Variants in NFIA observed in about 807,000 individuals in gnomAD.
NFIA encodes nuclear factor 1 A-type.
In NFIA, 8 loss-of-function variants were observed where a neutral mutation model predicts 62.8. The observed-to-expected ratio is 0.13, with a 90% CI of 0.07 to 0.23. The LOEUF (loss-of-function observed/expected upper bound fraction) is 0.23, where lower values mean the gene tolerates loss of function less well. NFIA is among the 10% of genes least tolerant of loss of function. The pLI, the probability that NFIA is intolerant of heterozygous loss-of-function variation, is 1.00. For synonymous variants in NFIA, 235 were observed against 238.1 expected, an observed-to-expected ratio of 0.99 and a Z score of 0.12; for missense variants, 410 against 642.1, an observed-to-expected ratio of 0.64 and a Z score of 3.91.
chr1:61,139,733 A>G (rs1008156000), intron 2 of NFIA, among the ~76,000 whole-genome samples: 2 of 152,108 alleles, frequency 1.3e-5, no homozygotes, highest in African/African-American at 2.4e-5. Flanking sequence ...TTACACCCCG[A>G]CAGATGTATT....
chr1:61,349,592 G>A (rs1211037171), intron 4 of NFIA, among the ~76,000 whole-genome samples: 1 of 151,566 alleles, frequency 6.6e-6, no homozygotes. Context: ...ATTTTTATTC[G>A]AGATGGGTTC....
intron 2 of NFIA, among the ~76,000 whole-genome samples, chr1:61,199,512 G>T (rs1427544247): frequency 1.3e-5 from 2 of 152,000 alleles, no homozygotes; most frequent in South Asian, 2.1e-4. Context: ...ACCGTATCTC[G>T]TGAGTAGTAG....
rs200381102 is a variant in NFIA, at chr1:61,138,569, A to G, written c.559+49889A>G. Among the ~76,000 whole-genome samples, 196 of 46,440 alleles carry G rather than the reference A, an allele frequency of 4.2e-3. 1 individual carries two copies. The South Asian group carries it at 0.048, about 11-fold the overall frequency. 30.5% of individuals were successfully genotyped at this position (46,440 alleles called of 152,430 possible). A position where few individuals can be genotyped will look rare whatever the true frequency, so the allele number is the denominator to read the frequency against. ...AGTCATTTTATTTGTTTGTTTGTTT[A>G]TTTATTTATTTATTTATTTATTTAT... On this transcript the variant is annotated intron_variant, in intron 2 of 10. Transcript: ENST00000403491.
rs1663477772 is a variant in NFIA at position 61,364,480 on chromosome 1, GT to G, written c.946+5209del. ...TATCAAGAATACTCTCAGAATTGGT[GT>G]TTACTACACTTTCAATTTGTAGGCT... is the stretch of plus-strand genomic sequence containing the variant. On this transcript the variant is annotated intron_variant, in intron 6 of 10. Transcript: ENST00000403491. 2.0e-5 allele frequency among the ~76,000 whole-genome samples: 3 copies of G among 152,230 alleles called. No individual in the cohort carries two copies. In the East Asian group the frequency reaches 5.8e-4, roughly 29 times the overall value.
At chr1:61,285,819 T>C (rs940663723) in intron 3 of NFIA, among the ~76,000 whole-genome samples, 5 of 152,092 alleles carry the variant, frequency 3.3e-5, no homozygotes, top group African/African-American at 9.7e-5. Flanking sequence ...AAAAGAGAAA[T>C]GTAAGGATAT....
chr1:61,352,350 A>T, intron 4 of NFIA, 100 bp from the exon 5 acceptor site: 1 of 793,516 alleles, frequency 1.3e-6, no homozygotes, highest in Non-Finnish European at 2.1e-6. Flanking sequence ...TTACATATAA[A>T]TGCAAAAAGA....
intron 10 of NFIA, among the ~76,000 whole-genome samples, chr1:61,453,499 T>C (rs1161461318): frequency 7.4e-6 from 1 of 135,452 alleles, no homozygotes; most frequent in Non-Finnish European, 1.5e-5. Flanking sequence ...GCAGAGGCAC[T>C]GCAGATTTTT....
chr1:61,425,383 A>G (rs1165696724), intron 9 of NFIA, among the ~76,000 whole-genome samples: 2 of 152,208 alleles, frequency 1.3e-5, no homozygotes, highest in African/African-American at 2.4e-5. Flanking sequence ...GTGTTTTAAA[A>G]AGTTGCATAT....
chr1:61,264,535 C>T (rs562125426), intron 2 of NFIA, among the ~76,000 whole-genome samples: 1 of 151,418 alleles, frequency 6.6e-6, no homozygotes, highest in East Asian at 1.9e-4. Flanking sequence ...CCTGTAATCC[C>T]AGCTACTCAG....
At chr1:61,265,606 TATTGTC>T (rs1404953654) in intron 2 of NFIA, among the ~76,000 whole-genome samples, 1 of 152,200 alleles carries the variant, frequency 6.6e-6, no homozygotes, top group Non-Finnish European at 1.5e-5. Flanking sequence ...ACAGAAAAGT[TATTGTC>T]AATGTGGAAA....
chr1:61,163,795 T>C (rs1479707781), intron 2 of NFIA, among the ~76,000 whole-genome samples: 2 of 152,168 alleles, frequency 1.3e-5, no homozygotes, highest in Non-Finnish European at 2.9e-5. Context: ...GCTGGGGTCT[T>C]AAAATGCTTG....
At position 61,286,411 on chromosome 1, in the gene NFIA, G is replaced by A. The variant is rs568638264; in HGVS notation, c.625+8826G>A. Among the ~76,000 whole-genome samples the A allele has an allele frequency of 1.3e-4, 19 of 142,888 alleles. No homozygotes were observed. In the East Asian group the frequency reaches 1.4e-3, roughly 11 times the overall value. 93.7% of individuals were successfully genotyped at this position (142,888 alleles called of 152,430 possible). A position where few individuals can be genotyped will look rare whatever the true frequency, so the allele number is the denominator to read the frequency against. ...CCACTGCACTCCAGCCTGGGTGACCGAGCGAGACTCTGTCTCAAAAAAAAA... is the reference window on the plus strand; with the variant it reads ...CCACTGCACTCCAGCCTGGGTGACCAAGCGAGACTCTGTCTCAAAAAAAAA... On this transcript the variant is annotated intron_variant, in intron 3 of 10. Coordinates refer to ENST00000403491, the MANE Select transcript of NFIA (RefSeq NM_001134673.4).
At chr1:61,248,984 A>G (rs1387630445) in intron 2 of NFIA, 1 of 152,244 alleles carries the variant, frequency 6.6e-6, no homozygotes, top group Non-Finnish European at 1.5e-5. Flanking sequence ...ACTCTTAAGT[A>G]TGCAACCAAT....
chr1:61,193,811 T>C (rs1651811661), intron 2 of NFIA, among the ~76,000 whole-genome samples: 1 of 152,238 alleles, frequency 6.6e-6, no homozygotes, highest in Admixed American at 6.5e-5. Flanking sequence ...ATGTCCTTAG[T>C]GCCTTTCCTG....
rs547374871 is a variant in NFIA, at chr1:61,363,434, A to G, written c.946+4160A>G. Among the ~76,000 whole-genome samples the G allele has an allele frequency of 5.6e-4, 85 of 152,166 alleles. 1 individual carries two copies. Among genetic ancestry groups the G allele is most frequent in the African/African-American group, 1.3e-3 (53 of 41,542 alleles). The stretch of plus-strand genomic sequence containing the variant: ...AGCCTGACCAACATGGAGAAACCCC[A>G]TCTCTACTAAAAATACAAAATTAGC... On this transcript the variant is annotated intron_variant, in intron 6 of 10. Transcript: ENST00000403491.
chr1:61,357,787 G>A (rs1458031588), intron 5 of NFIA, among the ~76,000 whole-genome samples: 1 of 152,036 alleles, frequency 6.6e-6, no homozygotes, highest in Non-Finnish European at 1.5e-5. Flanking sequence ...TGAAACATAC[G>A]AAAACTTCTG....
At chr1:61,240,232 G>T (rs79731440) in intron 2 of NFIA, among the ~76,000 whole-genome samples, 6,845 of 152,106 alleles carry the variant, frequency 0.045, 218 homozygotes, top group Non-Finnish European at 0.064. Flanking sequence ...TGCAGTAGTG[G>T]AAACATTGTT....
At chr1:61,107,196 A>G (rs1646618519) in intron 2 of NFIA, among the ~76,000 whole-genome samples, 2 of 151,358 alleles carry the variant, frequency 1.3e-5, no homozygotes, top group Admixed American at 1.3e-4. Flanking sequence ...AAATTGTTGA[A>G]TTACAGGGTG....
At position 61,299,191 on chromosome 1, in the gene NFIA, C is replaced by G. The variant is rs1420226378; in HGVS notation, c.625+21606C>G. 2.0e-5 allele frequency among the ~76,000 whole-genome samples: 3 copies of G among 152,164 alleles called. No individual in the cohort carries two copies. In the East Asian group the frequency reaches 5.8e-4, roughly 29 times the overall value. Reference sequence around the variant, plus strand: ...TCCTTGACAGATTCCCATCCGGTATCAAGAGGCTCTAAAGATCCCTCAAAT... The same window carrying G: ...TCCTTGACAGATTCCCATCCGGTATGAAGAGGCTCTAAAGATCCCTCAAAT... On this transcript the variant is annotated intron_variant, in intron 3 of 10. Coordinates refer to ENST00000403491, the MANE Select transcript of NFIA (RefSeq NM_001134673.4).
Sources: allele counts gnomAD v4.1 joint callset (sites outside exome capture counted in the v4.1 genomes callset), GRCh38; gene constraint gnomAD v4.1.1; transcripts MANE v1.5; gene names NCBI Gene and HGNC (gene_info 2026-07-23, HGNC 2026-07-21).